Variants in CSMD3 observed in about 807,000 individuals in gnomAD.
CSMD3 encodes CUB and Sushi multiple domains 3, also known as CUB and sushi domain-containing protein 3.
In CSMD3, 177 loss-of-function variants were observed where a neutral mutation model predicts 435.2. That is an observed-to-expected ratio of 0.41 (90% CI 0.36 to 0.46). The LOEUF (loss-of-function observed/expected upper bound fraction) is 0.46. CSMD3 is among the 20% of genes least tolerant of loss of function. The pLI, the probability that CSMD3 is intolerant of heterozygous loss-of-function variation, is 0.34. For synonymous variants in CSMD3, 1,656 were observed against 1,520.5 expected, an observed-to-expected ratio of 1.09 and a Z score of -2.07; for missense variants, 4,265 against 4,504.6, an observed-to-expected ratio of 0.95 and a Z score of 1.52.
At chr8:112,992,360 A>G (rs138239208) in intron 6 of CSMD3, among the ~76,000 whole-genome samples, 15 of 151,898 alleles carry the variant, frequency 9.9e-5, no homozygotes, top group African/African-American at 3.4e-4. Flanking sequence ...GGAAAGAAAA[A>G]TGTCAAAACA....
chr8:113,026,292 T>C (rs2086873510), intron 5 of CSMD3, among the ~76,000 whole-genome samples: 1 of 152,216 alleles, frequency 6.6e-6, no homozygotes, highest in Non-Finnish European at 1.5e-5. Context: ...AGATAGGTGC[T>C]TCACTTACTT....
chr8:113,416,661 G>A (rs1467407330), intron 1 of CSMD3, among the ~76,000 whole-genome samples: 5 of 151,992 alleles, frequency 3.3e-5, no homozygotes, highest in African/African-American at 7.2e-5. Context: ...CACCTTCTGC[G>A]TCCTTCCCAC....
chr8:112,567,425 A>G (rs1479946976), intron 24 of CSMD3, among the ~76,000 whole-genome samples: 4 of 152,176 alleles, frequency 2.6e-5, no homozygotes, highest in Non-Finnish European at 4.4e-5. Context: ...CTAAAAAGTT[A>G]GTTTGTTATG....
chr8:112,733,101 A>G (rs2077110763), intron 13 of CSMD3, among the ~76,000 whole-genome samples: 1 of 152,158 alleles, frequency 6.6e-6, no homozygotes, highest in South Asian at 2.1e-4. Context: ...AATAAGAATG[A>G]TTCCACCTCC....
chr8:112,907,825 T>C (rs1192318785), intron 10 of CSMD3, among the ~76,000 whole-genome samples: 1 of 151,432 alleles, frequency 6.6e-6, no homozygotes, highest in Non-Finnish European at 1.5e-5. Context: ...ATAGAAAAAG[T>C]AATGTTTTAA....
chr8:113,339,102 A>G (rs1468201968), intron 1 of CSMD3, among the ~76,000 whole-genome samples: 3 of 151,968 alleles, frequency 2.0e-5, no homozygotes, highest in African/African-American at 7.2e-5. Flanking sequence ...CTTTATCCAT[A>G]TAACAGAATA....
intron 4 of CSMD3, among the ~76,000 whole-genome samples, chr8:113,149,428 T>A (rs1247028035): frequency 2.0e-5 from 3 of 151,786 alleles, no homozygotes; most frequent in Non-Finnish European, 4.4e-5. Context: ...GCACTGCTTG[T>A]GGAAAAATTC....
rs549644167 is a variant in CSMD3 at position 112,239,659 on chromosome 8, T to C, written c.10468+2061A>G. ...TATTAGTTCTAGTAAGATGTAGTGTTCTAGTAATTTGTCTGCTCTGTGTAA... is the reference window on the plus strand; with the variant it reads ...TATTAGTTCTAGTAAGATGTAGTGTCCTAGTAATTTGTCTGCTCTGTGTAA... On this transcript the variant is annotated intron_variant, in intron 66 of 70. Coordinates refer to ENST00000297405, the MANE Select transcript of CSMD3 (RefSeq NM_198123.2). Among the ~76,000 whole-genome samples the C allele has an allele frequency of 7.9e-5, 12 of 152,230 alleles. No individual in the cohort carries two copies. In the East Asian group the frequency reaches 2.3e-3, roughly 29 times the overall value.
At chr8:112,284,840 T>C (rs568975738) in intron 58 of CSMD3, among the ~76,000 whole-genome samples, 1 of 152,108 alleles carries the variant, frequency 6.6e-6, no homozygotes, top group African/African-American at 2.4e-5. Flanking sequence ...GCTCTCAAAA[T>C]ATAACAATAA....
In CSMD3 at chr8:112,296,014, A is replaced by T. The variant is rs4876462; in HGVS notation, c.8441-8T>A. ...GAATTCCACAATGACCCGCTGAAAT[A>T]CGTTATAAAGTAATATTTTTAATAC... On this transcript the variant is annotated splice_polypyrimidine_tract_variant and splice_region_variant and intron_variant, in intron 53 of 70. Transcript: ENST00000297405. 3.7e-6 allele frequency: 6 copies of T among 1,602,668 alleles called. No homozygotes were observed. The East Asian group carries it at 1.3e-4, about 36-fold the overall frequency.
At chr8:112,705,729 CT>C (rs1472298619) in intron 13 of CSMD3, among the ~76,000 whole-genome samples, 3 of 151,934 alleles carry the variant, frequency 2.0e-5, no homozygotes, top group Non-Finnish European at 1.5e-5. Flanking sequence ...TTTTAAAATT[CT>C]CTGGCACACA....
At chr8:113,090,236 G>A (rs1197676626) in intron 5 of CSMD3, among the ~76,000 whole-genome samples, 1 of 151,986 alleles carries the variant, frequency 6.6e-6, no homozygotes, top group African/African-American at 2.4e-5. Flanking sequence ...CTAGTTTCAT[G>A]AAAAAGATGC....
At chr8:112,950,606 G>A (rs1022108389) in intron 8 of CSMD3, among the ~76,000 whole-genome samples, 4 of 151,902 alleles carry the variant, frequency 2.6e-5, no homozygotes, top group Non-Finnish European at 5.9e-5. Context: ...TACTTTATGT[G>A]TATTACCCCA....
At chr8:113,151,136 T>C (rs1287792332) in intron 4 of CSMD3, among the ~76,000 whole-genome samples, 1 of 151,928 alleles carries the variant, frequency 6.6e-6, no homozygotes, top group Non-Finnish European at 1.5e-5. Flanking sequence ...GGTGAAAAAT[T>C]CCATATGTTA....
At chr8:112,390,586 A>G in intron 36 of CSMD3, 78 bp downstream of exon 36, 1 of 1,221,936 alleles carries the variant, frequency 8.2e-7, no homozygotes, top group South Asian at 1.2e-5. Context: ...ACTTTTAGAA[A>G]TAATGTTCAT....
intron 63 of CSMD3, among the ~76,000 whole-genome samples, chr8:112,248,992 A>T (rs1815019290): frequency 6.6e-6 from 1 of 152,004 alleles, no homozygotes; most frequent in African/African-American, 2.4e-5. Context: ...CACGCCTTTC[A>T]CATTCTTTCT....
chr8:112,323,474 T>G (rs1404477538), intron 45 of CSMD3, among the ~76,000 whole-genome samples: 3 of 152,026 alleles, frequency 2.0e-5, no homozygotes, highest in Non-Finnish European at 2.9e-5. Flanking sequence ...ATTGGTTAAC[T>G]TAAGGTTGTA....
intron 45 of CSMD3, among the ~76,000 whole-genome samples, chr8:112,332,721 T>C (rs1824184419): frequency 6.6e-6 from 1 of 152,190 alleles, no homozygotes; most frequent in African/African-American, 2.4e-5. Flanking sequence ...TCTGGCAATT[T>C]TTTTGCACCT....
At chr8:112,657,903 C>T (rs1191243250) in intron 17 of CSMD3, among the ~76,000 whole-genome samples, 3 of 152,142 alleles carry the variant, frequency 2.0e-5, no homozygotes, top group East Asian at 1.9e-4. Flanking sequence ...ACTTTTTAGA[C>T]AACTGTCTTC....
Sources: allele counts gnomAD v4.1 joint callset (sites outside exome capture counted in the v4.1 genomes callset), GRCh38; gene constraint gnomAD v4.1.1; transcripts MANE v1.5; gene names NCBI Gene and HGNC (gene_info 2026-07-23, HGNC 2026-07-21).